Variants in PDE1A observed in about 807,000 individuals in gnomAD.
The protein encoded by PDE1A is phosphodiesterase 1A.
PDE1A carries 35 observed loss-of-function variants against 61.7 expected under a neutral mutation model. The ratio of observed to expected loss-of-function variants is 0.57; its 90% CI spans 0.43 to 0.75. PDE1A has a LOEUF of 0.75. Among genes scored for constraint, PDE1A ranks in the 30% least tolerant of loss-of-function variants. The pLI, the probability that PDE1A is intolerant of heterozygous loss-of-function variation, is 0.00. For missense variants in PDE1A, 597 were observed against 630.6 expected, an observed-to-expected ratio of 0.95 and a Z score of 0.57; for synonymous variants, 232 against 213.2, an observed-to-expected ratio of 1.09 and a Z score of -0.77.
chr2:182,635,391 C>A, the PDE1A span, among the ~76,000 whole-genome samples: 5 of 151,844 alleles, frequency 3.3e-5, no homozygotes, highest in African/African-American at 1.2e-4. Flanking sequence ...CCAATTTATG[C>A]TAATAGTAGT....
intron 2 of PDE1A, among the ~76,000 whole-genome samples, chr2:182,510,827 C>A (rs1460071055): frequency 1.3e-5 from 2 of 152,130 alleles, no homozygotes; most frequent in Non-Finnish European, 2.9e-5. Flanking sequence ...CTTATATACC[C>A]TAGTTCCTGC....
chr2:182,198,833 T>A (rs1384858333), intron 10 of PDE1A, among the ~76,000 whole-genome samples: 2 of 151,908 alleles, frequency 1.3e-5, no homozygotes, highest in African/African-American at 4.8e-5. Context: ...TGCTGTCAAA[T>A]TTTCCTCTTC....
intron 11 of PDE1A, 24 bp from the exon 12 acceptor site, chr2:182,186,612 G>C (rs755354966): frequency 4.2e-5 from 66 of 1,575,872 alleles, no homozygotes; most frequent in Non-Finnish European, 5.7e-5. Context: ...AATGAGAAGA[G>C]AGAGAGATAA....
At chr2:182,256,273 C>T (rs1324953762) in intron 2 of PDE1A, among the ~76,000 whole-genome samples, 3 of 120,354 alleles carry the variant, frequency 2.5e-5, no homozygotes, top group Non-Finnish European at 3.3e-5. Flanking sequence ...GTGTGATATT[C>T]CCCTTCCTGT....
chr2:182,190,225 A>G (rs902681691), intron 10 of PDE1A, among the ~76,000 whole-genome samples: 3 of 152,250 alleles, frequency 2.0e-5, no homozygotes, highest in African/African-American at 7.2e-5. Context: ...AAGAAGTAGG[A>G]AAATAGTTAC....
intron 2 of PDE1A, among the ~76,000 whole-genome samples, chr2:182,471,739 G>C (rs1413776194): frequency 1.3e-5 from 2 of 151,606 alleles, no homozygotes; most frequent in Admixed American, 1.3e-4. Flanking sequence ...TCAGCAATAC[G>C]GTGGCTAAAA....
chr2:182,699,251 A>T, the PDE1A span, among the ~76,000 whole-genome samples: 1 of 152,246 alleles, frequency 6.6e-6, no homozygotes, highest in African/African-American at 2.4e-5. Context: ...CTGACTATTC[A>T]TACCTTCAGA....
the PDE1A span, among the ~76,000 whole-genome samples, chr2:182,568,630 C>T: frequency 6.6e-6 from 1 of 152,066 alleles, no homozygotes; most frequent in Non-Finnish European, 1.5e-5. Flanking sequence ...ACACCACTGC[C>T]CTCCAGCCTG....
chr2:182,211,378 G>GA, intron 7 of PDE1A, among the ~76,000 whole-genome samples: 1 of 152,040 alleles, frequency 6.6e-6, no homozygotes, highest in African/African-American at 2.4e-5. Context: ...TGATCTATTT[G>GA]TCTGTCCTTT....
intron 1 of PDE1A, among the ~76,000 whole-genome samples, chr2:182,423,143 T>C (rs2125591317): frequency 6.6e-6 from 1 of 152,306 alleles, no homozygotes; most frequent in African/African-American, 2.4e-5. Context: ...TATAAACTCC[T>C]GCCTTGGCCA....
chr2:182,648,076 G>A, the PDE1A span, among the ~76,000 whole-genome samples: 23,521 of 152,052 alleles, frequency 0.15, 2,405 homozygotes, highest in African/African-American at 0.29. Flanking sequence ...CCTCAGCCCG[G>A]ACCTACTAAA....
At chr2:182,550,319 T>C in the PDE1A span, among the ~76,000 whole-genome samples, 2 of 152,180 alleles carry the variant, frequency 1.3e-5, no homozygotes, top group East Asian at 1.9e-4. Flanking sequence ...ATAGATTAAT[T>C]CACAGGGCAC....
At chr2:182,492,323 G>T (rs1688444168) in intron 2 of PDE1A, among the ~76,000 whole-genome samples, 1 of 152,038 alleles carries the variant, frequency 6.6e-6, no homozygotes, top group South Asian at 2.1e-4. Flanking sequence ...GACTTCTTAA[G>T]GTTTACAACT....
intron 1 of PDE1A, among the ~76,000 whole-genome samples, chr2:182,317,767 G>T (rs1223475896): frequency 6.6e-6 from 1 of 152,090 alleles, no homozygotes; most frequent in East Asian, 1.9e-4. Context: ...ATTGATTCTT[G>T]AGTATGCTTA....
At chr2:182,563,144 T>C in the PDE1A span, among the ~76,000 whole-genome samples, 132 of 152,338 alleles carry the variant, frequency 8.7e-4, no homozygotes, top group African/African-American at 3.0e-3. Context: ...TTAATTGTGA[T>C]ATTAGGGTGT....
At chr2:182,509,031 A>G (rs1388840415) in intron 2 of PDE1A, among the ~76,000 whole-genome samples, 2 of 150,266 alleles carry the variant, frequency 1.3e-5, no homozygotes, top group Non-Finnish European at 3.0e-5. Context: ...TCATTGTTCA[A>G]TTCCCACCTA....
intron 2 of PDE1A, among the ~76,000 whole-genome samples, chr2:182,496,326 T>C (rs1688711788): frequency 3.9e-5 from 6 of 152,246 alleles, no homozygotes; most frequent in Admixed American, 3.9e-4. Flanking sequence ...ATCACATTGT[T>C]ATTGTATTTT....
At chr2:182,395,288 C>A (rs1423951724) in intron 1 of PDE1A, among the ~76,000 whole-genome samples, 1 of 152,118 alleles carries the variant, frequency 6.6e-6, no homozygotes. Context: ...TTTGCAGAGC[C>A]CTTGATTGCT....
the PDE1A span, among the ~76,000 whole-genome samples, chr2:182,685,201 A>G: frequency 1.3e-5 from 2 of 152,062 alleles, no homozygotes; most frequent in African/African-American, 4.8e-5. Flanking sequence ...AAAGAGAAAC[A>G]GATGGCTTGC....
Sources: gnomAD v4.1 joint callset for allele counts (sites outside exome capture counted in the v4.1 genomes callset) on GRCh38, gnomAD v4.1.1 for gene constraint, MANE v1.5 for transcripts, NCBI Gene and HGNC (gene_info 2026-07-23, HGNC 2026-07-21) for gene names.